Variants in SGCD observed in about 807,000 individuals in gnomAD.
The protein encoded by SGCD is delta-sarcoglycan.
In SGCD, 18 loss-of-function variants were observed where a neutral mutation model predicts 36.6. That is an observed-to-expected ratio of 0.49 (90% CI 0.34 to 0.73). The LOEUF (loss-of-function observed/expected upper bound fraction) is 0.73, where lower values mean the gene tolerates loss of function less well. Ranked by LOEUF, SGCD falls within the 30% of genes least tolerant of loss-of-function variation. The pLI, the probability that SGCD is intolerant of heterozygous loss-of-function variation, is 0.01. For synonymous variants in SGCD, 133 were observed against 130.6 expected (o/e 1.02, Z -0.12); for missense variants, 387 against 346.7 (o/e 1.12, Z -0.92).
chr5:156,097,679 G>C (rs1035611002), intron 1 of SGCD, among the ~76,000 whole-genome samples: 18 of 152,010 alleles, frequency 1.2e-4, no homozygotes, highest in African/African-American at 3.9e-4. Flanking sequence ...TTCATATCTT[G>C]TCAGATGATT....
chr5:155,977,657 A>G (rs563517289), intron 1 of SGCD, among the ~76,000 whole-genome samples: 1 of 152,374 alleles, frequency 6.6e-6, no homozygotes, highest in African/African-American at 2.4e-5. Flanking sequence ...AAGATAGCCC[A>G]GAATATTCAC....
At chr5:156,627,742 TAAC>T (rs1290658488) in intron 6 of SGCD, among the ~76,000 whole-genome samples, 2 of 152,132 alleles carry the variant, frequency 1.3e-5, no homozygotes, top group Non-Finnish European at 2.9e-5. Context: ...TATATAATAT[TAAC>T]AACAACTATG....
At chr5:155,748,653 A>G in the SGCD span, among the ~76,000 whole-genome samples, 2 of 152,262 alleles carry the variant, frequency 1.3e-5, no homozygotes, top group East Asian at 3.9e-4. Flanking sequence ...ATATGATACA[A>G]CATGCAGTCC....
chr5:156,601,882 C>T (rs1180390516), intron 6 of SGCD, among the ~76,000 whole-genome samples: 3 of 152,082 alleles, frequency 2.0e-5, no homozygotes, highest in Non-Finnish European at 4.4e-5. Flanking sequence ...CGGGTTTCAC[C>T]GTGTTAGCCA....
At position 156,760,232 on chromosome 5, in the gene SGCD, A is replaced by C. The variant is rs1757475363; in HGVS notation, c.*842A>C. 6.6e-6 allele frequency: 1 copy of C among 152,206 alleles called. No homozygotes were observed. Among genetic ancestry groups the C allele is most frequent in the Non-Finnish European group, 1.5e-5 (1 of 68,036 alleles). The allele number at this position is 152,206 out of a possible 1,614,324, so 9.4% of individuals were successfully genotyped here. ...ACAAACGGGTGATATGTCTCTGTTT[A>C]AGGGAAAAATGGCTTAAAAGCTGTT... On this transcript the variant is annotated 3_prime_UTR_variant, in exon 9 of 9. Transcript: ENST00000337851.
intron 3 of SGCD, among the ~76,000 whole-genome samples, chr5:156,494,210 A>G (rs1426538491): frequency 2.0e-5 from 3 of 152,234 alleles, no homozygotes; most frequent in African/African-American, 7.2e-5. Flanking sequence ...GCATGCATAC[A>G]CATAGCCTTC....
the SGCD span, among the ~76,000 whole-genome samples, chr5:155,734,134 AATT>A: frequency 6.8e-6 from 1 of 147,454 alleles, no homozygotes; most frequent in Non-Finnish European, 1.5e-5. Context: ...TACTGATATT[AATT>A]ATATTAATTA....
intron 3 of SGCD, among the ~76,000 whole-genome samples, chr5:156,481,074 G>T (rs1177077773): frequency 2.6e-5 from 4 of 152,186 alleles, no homozygotes; most frequent in Non-Finnish European, 5.9e-5. Context: ...CAAATCAAGA[G>T]CACAGTAATA....
At chr5:156,158,723 A>G (rs987968349) in intron 3 of SGCD, among the ~76,000 whole-genome samples, 3 of 151,586 alleles carry the variant, frequency 2.0e-5, no homozygotes, top group Non-Finnish European at 4.4e-5. Context: ...ATTACTATCT[A>G]TTTGCTCAAT....
intron 3 of SGCD, among the ~76,000 whole-genome samples, chr5:156,436,302 A>G (rs1753243071): frequency 6.6e-6 from 1 of 152,380 alleles, no homozygotes; most frequent in Non-Finnish European, 1.5e-5. Context: ...TCTCTCAGCT[A>G]GCTGAAACAT....
the SGCD span, among the ~76,000 whole-genome samples, chr5:155,821,722 AAAT>A: frequency 1.3e-5 from 2 of 152,246 alleles, no homozygotes; most frequent in Non-Finnish European, 2.9e-5. Context: ...AGATTATAAA[AAAT>A]AATTCAGAAA....
At chr5:155,954,688 T>C (rs1267752242) in intron 1 of SGCD, among the ~76,000 whole-genome samples, 1 of 151,962 alleles carries the variant, frequency 6.6e-6, no homozygotes, top group Non-Finnish European at 1.5e-5. Flanking sequence ...CTTTGTTCTA[T>C]CAGTAAAGGT....
intron 1 of SGCD, among the ~76,000 whole-genome samples, chr5:155,950,907 G>A (rs536350889): frequency 6.6e-6 from 1 of 152,220 alleles, no homozygotes; most frequent in East Asian, 1.9e-4. Flanking sequence ...ATCCTTACCT[G>A]GTTTTAAAAG....
chr5:156,444,375 C>G (rs181891779), intron 3 of SGCD, among the ~76,000 whole-genome samples: 41 of 152,168 alleles, frequency 2.7e-4, no homozygotes, highest in Admixed American at 2.5e-3. Flanking sequence ...GGGATAGACA[C>G]GGTGCCTCTG....
intron 3 of SGCD, among the ~76,000 whole-genome samples, chr5:156,366,613 G>A (rs7700728): frequency 1.2e-3 from 190 of 152,284 alleles, no homozygotes; most frequent in African/African-American, 4.3e-3. Flanking sequence ...TGGAGAATGA[G>A]CTATAGAAAT....
chr5:155,757,928 T>G, the SGCD span, among the ~76,000 whole-genome samples: 1 of 151,980 alleles, frequency 6.6e-6, no homozygotes, highest in African/African-American at 2.4e-5. Flanking sequence ...AATGGGGAGT[T>G]TCCCTGCACA....
chr5:156,135,422 T>C (rs1303377223), intron 3 of SGCD, among the ~76,000 whole-genome samples: 1 of 152,218 alleles, frequency 6.6e-6, no homozygotes, highest in Non-Finnish European at 1.5e-5. Context: ...GTACATGTGC[T>C]ACTACCCCTC....
rs200996097 is a variant in SGCD at position 156,410,919 on chromosome 5, G to GA, written c.192+66251dup. ...AAGATCAACTCTCACTTCATGAAAT[G>GA]AAAAAAAAACATACAAAGGATTTAA... On this transcript the variant is annotated intron_variant, in intron 3 of 8. Coordinates refer to ENST00000337851, the MANE Select transcript of SGCD (RefSeq NM_000337.6). Among the ~76,000 whole-genome samples, 357 of 149,072 alleles carry GA rather than the reference G, an allele frequency of 2.4e-3. 1 individual carries two copies. The highest frequency in any genetic ancestry group is 0.014 in the Middle Eastern group (4 of 292).
At chr5:156,179,455 T>C (rs895407882) in intron 3 of SGCD, among the ~76,000 whole-genome samples, 3 of 152,198 alleles carry the variant, frequency 2.0e-5, no homozygotes, top group Non-Finnish European at 4.4e-5. Context: ...CATAGTTGTA[T>C]ACTTACTGAG....
Sources: gnomAD v4.1 joint callset for allele counts (sites outside exome capture counted in the v4.1 genomes callset) on GRCh38, gnomAD v4.1.1 for gene constraint, MANE v1.5 for transcripts, NCBI Gene and HGNC (gene_info 2026-07-23, HGNC 2026-07-21) for gene names.